TTC29: variants seen among roughly 807,000 people sequenced by gnomAD.
TTC29 encodes the protein tetratricopeptide repeat protein 29.
A neutral mutation model predicts 58.1 loss-of-function variants in TTC29; 49 were observed. The ratio of observed to expected loss-of-function variants is 0.84; its 90% confidence interval spans 0.67 to 1.07. The LOEUF (loss-of-function observed/expected upper bound fraction) is 1.07, where lower values mean the gene tolerates loss of function less well. Among genes scored for constraint, TTC29 ranks in the 50% least tolerant of loss-of-function variants. The pLI is 0.00. For synonymous variants in TTC29, 209 were observed against 196.8 expected (o/e 1.06, Z -0.52); for missense variants, 582 against 555.6 (o/e 1.05, Z -0.48).
rs146339507 is a variant in TTC29 at position 146,821,903 on chromosome 4, T to C, written c.978-1655A>G. Among the ~76,000 whole-genome samples, 18 of 151,774 alleles carry C rather than the reference T, an allele frequency of 1.2e-4. No homozygotes were observed. The East Asian group carries it at 3.1e-3, about 26-fold the overall frequency. On this transcript the variant is annotated intron_variant, in intron 9 of 12. Coordinates refer to ENST00000325106, the MANE Select transcript of TTC29 (RefSeq NM_031956.4). Reference sequence around the variant, plus strand: ...TGTATAAATTCATACATGGGATCAATTGTGACAGGTACTGACTTGTATACA... The same window carrying C: ...TGTATAAATTCATACATGGGATCAACTGTGACAGGTACTGACTTGTATACA...
chr4:146,816,206 G>A (rs537152250), intron 10 of TTC29, among the ~76,000 whole-genome samples: 68 of 152,066 alleles, frequency 4.5e-4, no homozygotes, highest in Non-Finnish European at 7.8e-4. Flanking sequence ...AAATATATAT[G>A]CCTTCAAATA....
intron 6 of TTC29, among the ~76,000 whole-genome samples, chr4:146,901,138 A>G (rs1296445626): frequency 1.3e-5 from 2 of 152,208 alleles, no homozygotes; most frequent in African/African-American, 4.8e-5. Context: ...TTTCAATTTT[A>G]TATAAGGAAG....
At chr4:146,873,187 T>C (rs1426939430) in intron 7 of TTC29, among the ~76,000 whole-genome samples, 1 of 152,136 alleles carries the variant, frequency 6.6e-6, no homozygotes, top group Admixed American at 6.6e-5. Flanking sequence ...GCATGCTTTA[T>C]TCAGGTAATC....
intron 11 of TTC29, among the ~76,000 whole-genome samples, chr4:146,800,325 A>T (rs1229553965): frequency 6.6e-6 from 1 of 152,164 alleles, no homozygotes; most frequent in African/African-American, 2.4e-5. Flanking sequence ...TGCTTAAAAG[A>T]ATATTGCCTG....
At chr4:146,898,945 C>T (rs1561233228) in intron 6 of TTC29, among the ~76,000 whole-genome samples, 1 of 152,220 alleles carries the variant, frequency 6.6e-6, no homozygotes, top group Non-Finnish European at 1.5e-5. Context: ...AGTCTCAGTG[C>T]TTAAGTCCAT....
chr4:146,804,782 C>T (rs539992785), intron 10 of TTC29, among the ~76,000 whole-genome samples: 15 of 151,626 alleles, frequency 9.9e-5, no homozygotes, highest in East Asian at 5.8e-4. Context: ...CACAGCACCT[C>T]GGGGAAGGGA....
rs902361836 is a variant in TTC29, at chr4:146,909,140, C to T, written c.286G>A (p.Glu96Lys). The change falls in exon 5 of 13, where the codon GAG becomes AAG. Residue 96 changes from glutamate to lysine, a missense_variant. Glu to Lys is a moderately conservative substitution (Grantham distance 56, BLOSUM62 1). Transcript: ENST00000325106. Reference protein sequence around the residue: ...ALMERWDALREAARVRSLFWL... With the variant: ...ALMERWDALRKAARVRSLFWL... ...AAGAGGGACCTGACTCTCGCAGCCT[C>T]CCTCAGGGCATCCCACCGCTCCATC... The T allele has an allele frequency of 6.2e-7, 1 of 1,613,802 alleles. No homozygotes were observed. The highest frequency in any genetic ancestry group is 1.6e-4 in the Middle Eastern group (1 of 6,062).
chr4:146,945,267 C>G (rs1482070712), intron 1 of TTC29, among the ~76,000 whole-genome samples, 190 bp from the exon 2 acceptor site: 1 of 152,154 alleles, frequency 6.6e-6, no homozygotes, highest in Non-Finnish European at 1.5e-5. Context: ...AAACTAATCA[C>G]TAAATCAGTG....
At chr4:146,829,475 A>G (rs957391751) in intron 9 of TTC29, among the ~76,000 whole-genome samples, 2 of 152,216 alleles carry the variant, frequency 1.3e-5, no homozygotes, top group African/African-American at 2.4e-5. Context: ...TGTGGGCCAC[A>G]GATGAAAGTA....
Position 146,790,338 on chromosome 4 carries a change from G to A in TTC29, c.1330+13119C>T, listed in dbSNP as rs539200634. 3.6e-4 allele frequency among the ~76,000 whole-genome samples: 55 copies of A among 151,940 alleles called. 1 individual carries two copies. Among genetic ancestry groups the A allele is most frequent in the African/African-American group, 1.2e-3 (48 of 41,452 alleles). ...TAAGTAGCTGGGACTACAGGCGCCC[G>A]CCACCATGCCTGGCTAAATTTTGTA... On this transcript the variant is annotated intron_variant, in intron 11 of 12. Transcript: ENST00000325106.
At chr4:146,898,616 C>A (rs889518081) in intron 6 of TTC29, among the ~76,000 whole-genome samples, 1 of 152,230 alleles carries the variant, frequency 6.6e-6, no homozygotes, top group Non-Finnish European at 1.5e-5. Flanking sequence ...TTACAATGAT[C>A]TCCCCTGCCT....
chr4:146,869,946 T>C (rs1272878174), intron 7 of TTC29, among the ~76,000 whole-genome samples: 2 of 151,932 alleles, frequency 1.3e-5, no homozygotes, highest in East Asian at 1.9e-4. Flanking sequence ...ACTACTAAAA[T>C]TGAGTGACAC....
chr4:146,737,496 C>A (rs1042009514), intron 11 of TTC29, among the ~76,000 whole-genome samples: 1 of 148,732 alleles, frequency 6.7e-6, no homozygotes. Context: ...TGATTCCCAG[C>A]GAGAGAGATA....
intron 10 of TTC29, among the ~76,000 whole-genome samples, chr4:146,813,593 T>C (rs1751173332): frequency 1.3e-5 from 2 of 152,232 alleles, no homozygotes; most frequent in South Asian, 4.1e-4. Flanking sequence ...AGAATACAAT[T>C]ACAATACCTT....
At chr4:146,935,595 T>G (rs1280435396) in intron 4 of TTC29, among the ~76,000 whole-genome samples, 1 of 152,138 alleles carries the variant, frequency 6.6e-6, no homozygotes, top group African/African-American at 2.4e-5. Flanking sequence ...CTTCTCTGAT[T>G]TTTTCTTGAC....
At chr4:146,707,898 T>C (rs1157993220) in intron 11 of TTC29, among the ~76,000 whole-genome samples, 4 of 152,132 alleles carry the variant, frequency 2.6e-5, no homozygotes, top group Admixed American at 6.6e-5. Flanking sequence ...ATGCAGCCTC[T>C]ACCTGGTTAT....
At chr4:146,905,662 G>A (rs765427001) in intron 5 of TTC29, among the ~76,000 whole-genome samples, 2 of 151,898 alleles carry the variant, frequency 1.3e-5, no homozygotes, top group Admixed American at 1.3e-4. Flanking sequence ...ATTGACAGCA[G>A]GTATATTCAG....
intron 11 of TTC29, among the ~76,000 whole-genome samples, chr4:146,716,725 G>T (rs559790201): frequency 6.6e-6 from 1 of 152,198 alleles, no homozygotes; most frequent in Non-Finnish European, 1.5e-5. Context: ...CTGGTCAGCA[G>T]CAAAGTAGTT....
intron 11 of TTC29, among the ~76,000 whole-genome samples, chr4:146,779,003 A>G (rs13127287): frequency 1.1e-4 from 11 of 97,410 alleles, no homozygotes; most frequent in South Asian, 1.1e-3. Flanking sequence ...AAAAAAAAAA[A>G]GAAAAGAAAA....
Sources: gnomAD v4.1 joint callset for allele counts (sites outside exome capture counted in the v4.1 genomes callset) on GRCh38, gnomAD v4.1.1 for gene constraint, MANE v1.5 for transcripts, NCBI Gene and HGNC (gene_info 2026-07-23, HGNC 2026-07-21) for gene names.